HCN1: variants seen among roughly 807,000 people sequenced by gnomAD.
HCN1 encodes potassium/sodium hyperpolarization-activated cyclic nucleotide-gated channel 1.
A neutral mutation model predicts 78.9 loss-of-function variants in HCN1; 13 were observed. The observed-to-expected ratio is 0.16, with a 90% CI of 0.11 to 0.26. The LOEUF (loss-of-function observed/expected upper bound fraction) is 0.26. Ranked by LOEUF, HCN1 falls within the 10% of genes least tolerant of loss-of-function variation. The probability of loss-of-function intolerance (pLI) is 1.00; values close to 1 mark genes in which losing one functional copy is unlikely to be tolerated. For missense variants in HCN1, 810 were observed against 1,154.3 expected, an observed-to-expected ratio of 0.70 and a Z score of 4.32; for synonymous variants, 552 against 455.5, an observed-to-expected ratio of 1.21 and a Z score of -2.70.
rs187214278 is a variant in HCN1, at chr5:45,318,164, C to T, written c.1378-14325G>A. On this transcript the variant is annotated intron_variant, in intron 5 of 7. Coordinates refer to ENST00000303230, the MANE Select transcript of HCN1 (RefSeq NM_021072.4). ...ACAATAGCAAAGACTTGGAAACAAC[C>T]CAAACGTCCATCAATGATAGACTGG... is the stretch of plus-strand genomic sequence containing the variant. Among the ~76,000 whole-genome samples, 19 of 152,178 alleles carry T rather than the reference C, an allele frequency of 1.2e-4. No individual in the cohort carries two copies. In the East Asian group the frequency reaches 3.3e-3, roughly 26 times the overall value.
chr5:45,264,671 A>G (rs1230756832), intron 7 of HCN1, among the ~76,000 whole-genome samples: 1 of 152,214 alleles, frequency 6.6e-6, no homozygotes, highest in Non-Finnish European at 1.5e-5. Flanking sequence ...ACTGCAGCAT[A>G]CATCTATATG....
At chr5:45,376,696 G>C (rs1579855193) in intron 4 of HCN1, among the ~76,000 whole-genome samples, 1 of 151,988 alleles carries the variant, frequency 6.6e-6, no homozygotes, top group East Asian at 1.9e-4. Context: ...TGAGGACCCT[G>C]AGGTTCACTG....
chr5:45,352,857 G>A (rs1746939253), intron 5 of HCN1, among the ~76,000 whole-genome samples: 1 of 151,910 alleles, frequency 6.6e-6, no homozygotes, highest in African/African-American at 2.4e-5. Flanking sequence ...CCACAAGAAG[G>A]AATTTTAAAG....
chr5:45,533,493 C>A (rs542104427), intron 2 of HCN1, among the ~76,000 whole-genome samples: 2 of 152,318 alleles, frequency 1.3e-5, no homozygotes, highest in Non-Finnish European at 2.9e-5. Context: ...ATGCCCAGCT[C>A]TTCCTTTGTC....
chr5:45,523,825 ATAG>A (rs1298515387), intron 2 of HCN1, among the ~76,000 whole-genome samples: 1 of 152,042 alleles, frequency 6.6e-6, no homozygotes, highest in African/African-American at 2.4e-5. Context: ...GTTCACTCTG[ATAG>A]TAGTTTCTTT....
At chr5:45,590,998 A>ATT (rs768861091) in intron 2 of HCN1, among the ~76,000 whole-genome samples, 1 of 145,156 alleles carries the variant, frequency 6.9e-6, no homozygotes, top group African/African-American at 2.5e-5. Context: ...TGACTGGCTA[A>ATT]TTTTTTTTTT....
rs1237073494 is a variant in HCN1 at position 45,662,879 on chromosome 5, G to GC, written c.426-17272dup. 1.0e-3 allele frequency among the ~76,000 whole-genome samples: 19 copies of GC among 18,210 alleles called. 1 individual carries two copies. Among genetic ancestry groups the GC allele is most frequent in the African/African-American group, 4.2e-3 (19 of 4,522 alleles). 11.9% of individuals were successfully genotyped at this position (18,210 alleles called of 152,430 possible). A position where few individuals can be genotyped will look rare whatever the true frequency, so the allele number is the denominator to read the frequency against. On this transcript the variant is annotated intron_variant, in intron 1 of 7. Coordinates refer to ENST00000303230, the MANE Select transcript of HCN1 (RefSeq NM_021072.4). ...TCAATATTGTGAAAATGGCCATACT[G>GC]CCCAAGGTAATTTACAGATTCAATG...
At chr5:45,578,776 T>C (rs1266008952) in intron 2 of HCN1, among the ~76,000 whole-genome samples, 2 of 152,046 alleles carry the variant, frequency 1.3e-5, no homozygotes, top group African/African-American at 4.8e-5. Flanking sequence ...AGTTAAAATG[T>C]AATATGACTA....
intron 2 of HCN1, chr5:45,574,948 T>G (rs1743909469): frequency 6.6e-6 from 1 of 152,276 alleles, no homozygotes. Flanking sequence ...AAGAAAAGTT[T>G]GCAGCCAGCA....
At chr5:45,596,596 A>T (rs1744501381) in intron 2 of HCN1, among the ~76,000 whole-genome samples, 1 of 152,216 alleles carries the variant, frequency 6.6e-6, no homozygotes, top group African/African-American at 2.4e-5. Flanking sequence ...AGGGAATTAG[A>T]ACATGGATTG....
chr5:45,682,286 TATAC>T (rs201095642), intron 1 of HCN1, among the ~76,000 whole-genome samples: 11,133 of 120,204 alleles, frequency 0.093, 568 homozygotes, highest in Middle Eastern at 0.18. Context: ...TATATATATA[TATAC>T]ACATATATAT....
chr5:45,372,207 T>TAA (rs1747406895), intron 4 of HCN1, among the ~76,000 whole-genome samples: 1 of 71,600 alleles, frequency 1.4e-5, no homozygotes, highest in African/African-American at 6.3e-5. Flanking sequence ...ATAATACATA[T>TAA]TATATAATAT....
chr5:45,691,751 T>C (rs1365838969), intron 1 of HCN1, among the ~76,000 whole-genome samples: 1 of 152,146 alleles, frequency 6.6e-6, no homozygotes. Context: ...TGGAAGCAAA[T>C]GTTCTCTCTA....
At chr5:45,458,637 C>A (rs1176171559) in intron 3 of HCN1, among the ~76,000 whole-genome samples, 1 of 152,138 alleles carries the variant, frequency 6.6e-6, no homozygotes, top group Non-Finnish European at 1.5e-5. Flanking sequence ...TCTTTATAAT[C>A]TATGCTGCAC....
intron 3 of HCN1, among the ~76,000 whole-genome samples, chr5:45,439,604 T>C (rs1740632136): frequency 6.6e-6 from 1 of 152,166 alleles, no homozygotes; most frequent in African/African-American, 2.4e-5. Context: ...TTTATTTCCA[T>C]GAAGTTATTC....
At chr5:45,491,912 A>C (rs1741892439) in intron 2 of HCN1, among the ~76,000 whole-genome samples, 1 of 152,188 alleles carries the variant, frequency 6.6e-6, no homozygotes. Flanking sequence ...CTAAATGATT[A>C]ATAAGTACTA....
intron 2 of HCN1, among the ~76,000 whole-genome samples, chr5:45,612,947 C>T (rs566419483): frequency 6.6e-6 from 1 of 152,156 alleles, no homozygotes; most frequent in South Asian, 2.1e-4. Context: ...GGCAGCTATC[C>T]CTATGATGAT....
chr5:45,469,160 A>C (rs1486906328), intron 2 of HCN1, among the ~76,000 whole-genome samples: 10 of 151,944 alleles, frequency 6.6e-5, no homozygotes, highest in Admixed American at 6.6e-4. Flanking sequence ...ATAATTCTTA[A>C]GTTCCTTAGG....
At chr5:45,515,941 A>G (rs1192382413) in intron 2 of HCN1, among the ~76,000 whole-genome samples, 10 of 151,996 alleles carry the variant, frequency 6.6e-5, no homozygotes, top group Admixed American at 6.6e-5. Flanking sequence ...AAAAAATACA[A>G]AACTGTGATC....
Sources: allele counts gnomAD v4.1 joint callset (sites outside exome capture counted in the v4.1 genomes callset), GRCh38; gene constraint gnomAD v4.1.1; transcripts MANE v1.5; gene names NCBI Gene and HGNC (gene_info 2026-07-23, HGNC 2026-07-21).